The following NDUFA10 variants were observed in gnomAD, a reference collection of about 807,000 sequenced individuals.
NDUFA10 encodes NADH:ubiquinone oxidoreductase subunit A10.
NDUFA10 carries 40 observed loss-of-function variants against 47.8 expected under a neutral mutation model. The observed-to-expected ratio is 0.84, with a 90% CI of 0.65 to 1.09. The LOEUF (loss-of-function observed/expected upper bound fraction) is 1.09. Among genes scored for constraint, NDUFA10 ranks in the 50% least tolerant of loss-of-function variants. NDUFA10 has a pLI of 0.00. For missense variants in NDUFA10, 413 were observed against 451.1 expected, an observed-to-expected ratio of 0.92 and a Z score of 0.76; for synonymous variants, 183 against 172.2, an observed-to-expected ratio of 1.06 and a Z score of -0.49.
intron 9 of NDUFA10, among the ~76,000 whole-genome samples, chr2:239,967,389 G>A (rs1695119574): frequency 6.6e-6 from 1 of 152,220 alleles, no homozygotes; most frequent in South Asian, 2.1e-4. Context: ...CCTGGCCCAT[G>A]CATTTACACA....
At chr2:239,975,944 C>G (rs953769834) in intron 9 of NDUFA10, among the ~76,000 whole-genome samples, 1 of 152,200 alleles carries the variant, frequency 6.6e-6, no homozygotes, top group South Asian at 2.1e-4. Context: ...TCTTAACCAT[C>G]ACTCCACATC....
At position 239,978,188 on chromosome 2, in the gene NDUFA10, C is replaced by T. The variant is rs934781023; in HGVS notation, c.999+11886G>A. Among the ~76,000 whole-genome samples, 7 of 152,284 alleles carry T rather than the reference C, an allele frequency of 4.6e-5. 1 individual carries two copies. Among genetic ancestry groups the T allele is most frequent in the African/African-American group, 1.7e-4 (7 of 41,558 alleles). On this transcript the variant is annotated intron_variant, in intron 9 of 9. Coordinates refer to ENST00000252711, the MANE Select transcript of NDUFA10 (RefSeq NM_004544.4). ...CTCTCTTGCATCTTTTCCCTCTTTC[C>T]ACAAGCACTTACCCTTTTGCCTATA...
intron 5 of NDUFA10, 62 bp from the exon 6 acceptor site, chr2:240,011,758 C>T (rs1409968385): frequency 1.7e-5 from 24 of 1,408,854 alleles, no homozygotes; most frequent in Middle Eastern, 1.8e-4. Context: ...TTGACCTGTG[C>T]GTATATAAAA....
In NDUFA10 at chr2:240,019,675, C is replaced by T. The variant is rs1405151730; in HGVS notation, c.461-1036G>A. ...CTACTAAAAATACAAAAAAATTAGC[C>T]GGGCGTAGTGGCGGGCGCCTGTAGT... On this transcript the variant is annotated intron_variant, in intron 3 of 9. Coordinates refer to ENST00000252711, the MANE Select transcript of NDUFA10 (RefSeq NM_004544.4). Among the ~76,000 whole-genome samples the T allele has an allele frequency of 1.8e-4, 15 of 84,076 alleles. 2 individuals carry two copies. Among genetic ancestry groups the T allele is most frequent in the African/African-American group, 5.6e-4 (12 of 21,580 alleles). 55.2% of individuals were successfully genotyped at this position (84,076 alleles called of 152,430 possible). A position where few individuals can be genotyped will look rare whatever the true frequency, so the allele number is the denominator to read the frequency against.
chr2:240,003,242 GACT>G lies in NDUFA10; in HGVS notation c.890+1965_890+1967del, dbSNP rs144091640. On this transcript the variant is annotated intron_variant, in intron 8 of 9. Transcript: ENST00000252711. ...AGCTGTCCCTCTGGTCATCCTAGGAGACTACTGTATCACTCACATCCCATCAGG... is the reference window on the plus strand; with the variant it reads ...AGCTGTCCCTCTGGTCATCCTAGGAGACTGTATCACTCACATCCCATCAGG... Among the ~76,000 whole-genome samples the G allele has an allele frequency of 8.4e-3, 1,286 of 152,260 alleles. 18 individuals carry two copies. The highest frequency in any genetic ancestry group is 0.03 in the African/African-American group (1,227 of 41,548).
rs1374207420 is a variant in NDUFA10, at chr2:240,005,295, CCTAAGACAG to C, written c.805-9_805-1del. The C allele has an allele frequency of 6.2e-7, 1 of 1,613,096 alleles. No homozygotes were observed. The highest frequency in any genetic ancestry group is 8.5e-7 in the Non-Finnish European group (1 of 1,179,230). On this transcript the variant is annotated splice_acceptor_variant and splice_polypyrimidine_tract_variant and intron_variant, in intron 7 of 9. Transcript: ENST00000252711. LOFTEE classifies it high-confidence loss of function. The stretch of plus-strand genomic sequence containing the variant: ...TTCAGGTATTCAATGTCCTCTACCA[CCTAAGACAG>C]GAAAAATTCCAATTTAAACAGAGAA...
intron 8 of NDUFA10, among the ~76,000 whole-genome samples, chr2:239,995,120 A>G (rs1168961104): frequency 6.6e-6 from 1 of 152,132 alleles, no homozygotes; most frequent in Non-Finnish European, 1.5e-5. Flanking sequence ...CTAAAAATAC[A>G]AAAATTAGCC....
intron 4 of NDUFA10, among the ~76,000 whole-genome samples, chr2:239,929,968 A>G (rs1264512372): frequency 8.8e-6 from 1 of 113,070 alleles, no homozygotes; most frequent in Non-Finnish European, 1.8e-5. Context: ...CTGCTTCTCC[A>G]CCGCCCCTGC....
At chr2:239,989,233 A>C (rs767727919) in intron 9 of NDUFA10, among the ~76,000 whole-genome samples, 4 of 152,258 alleles carry the variant, frequency 2.6e-5, no homozygotes, top group African/African-American at 4.8e-5. Flanking sequence ...AATTTACTTA[A>C]AAGAAAATGC....
Position 239,895,065 on chromosome 2 carries a change from G to A in NDUFA10, c.*14+140C>T, listed in dbSNP as rs907848968. 9 of 226,348 alleles carry A rather than the reference G, an allele frequency of 4.0e-5. 1 individual carries two copies. The highest frequency in any genetic ancestry group is 1.2e-4 in the African/African-American group (5 of 42,682). 14.0% of individuals were successfully genotyped at this position (226,348 alleles called of 1,614,324 possible). A position where few individuals can be genotyped will look rare whatever the true frequency, so the allele number is the denominator to read the frequency against. On this transcript the variant is annotated intron_variant, in intron 5 of 5. Coordinates refer to the NDUFA10 transcript ENST00000419408. ...TCACCCCCACATCTATCTTAGCCGGGCACTGGCTTTCAGTGCCCTGTAGAG... is the reference window on the plus strand; with the variant it reads ...TCACCCCCACATCTATCTTAGCCGGACACTGGCTTTCAGTGCCCTGTAGAG...
intron 8 of NDUFA10, among the ~76,000 whole-genome samples, chr2:240,000,218 A>C (rs574424861): frequency 6.6e-6 from 1 of 152,368 alleles, no homozygotes; most frequent in Admixed American, 6.5e-5. Flanking sequence ...AGCCTCAGGC[A>C]GGTCCTTCAG....
chr2:240,023,374 A>T (rs1172589657), intron 1 of NDUFA10, among the ~76,000 whole-genome samples: 1 of 152,250 alleles, frequency 6.6e-6, no homozygotes, highest in East Asian at 1.9e-4. Flanking sequence ...TTAACAAGGA[A>T]ACATTAGTTT....
intron 3 of NDUFA10, 70 bp downstream of exon 3, chr2:240,021,127 A>T (rs1360858292): frequency 1.4e-6 from 2 of 1,379,440 alleles, no homozygotes; most frequent in Non-Finnish European, 2.0e-6. Flanking sequence ...CTCAGTGGCA[A>T]TTTAACGTGG....
At chr2:240,011,037 T>A (rs1195114804) in intron 6 of NDUFA10, among the ~76,000 whole-genome samples, 1 of 152,146 alleles carries the variant, frequency 6.6e-6, no homozygotes, top group Non-Finnish European at 1.5e-5. Flanking sequence ...AGACATTCCT[T>A]ACACACGAAT....
chr2:239,911,680 C>T (rs12467215), intron 4 of NDUFA10, among the ~76,000 whole-genome samples: 96,781 of 149,478 alleles, frequency 0.65, 31,392 homozygotes, highest in African/African-American at 0.67. Context: ...AGTGTGTGTG[C>T]GTGTGTGTGT....
intron 4 of NDUFA10, among the ~76,000 whole-genome samples, chr2:239,926,019 A>G (rs1400166953): frequency 3.9e-5 from 6 of 152,222 alleles, no homozygotes; most frequent in Admixed American, 3.9e-4. Flanking sequence ...ATGCTGAGAG[A>G]TTGTCCTTCA....
intron 9 of NDUFA10, among the ~76,000 whole-genome samples, chr2:239,984,996 G>C (rs1695939479): frequency 6.6e-6 from 1 of 152,236 alleles, no homozygotes; most frequent in South Asian, 2.1e-4. Flanking sequence ...TCACCAGCTT[G>C]CTTCCTGAGC....
chr2:239,959,965 C>T lies in NDUFA10; in HGVS notation c.*1153G>A. The T allele has an allele frequency of 1.0e-6, 1 of 985,522 alleles. No individual in the cohort carries two copies. The highest frequency in any genetic ancestry group is 1.2e-6 in the Non-Finnish European group (1 of 829,958). 61.0% of individuals were successfully genotyped at this position (985,522 alleles called of 1,614,324 possible). A position where few individuals can be genotyped will look rare whatever the true frequency, so the allele number is the denominator to read the frequency against. Reference sequence around the variant, plus strand: ...GCGGGGAGCAGAGCATCGTCCTCTGCACCAGCACTGGAACTACTGCCCACA... The same window carrying T: ...GCGGGGAGCAGAGCATCGTCCTCTGTACCAGCACTGGAACTACTGCCCACA... On this transcript the variant is annotated 3_prime_UTR_variant, in exon 10 of 10. Coordinates refer to ENST00000252711, the MANE Select transcript of NDUFA10 (RefSeq NM_004544.4).
chr2:239,966,572 C>T (rs934710728), intron 9 of NDUFA10, among the ~76,000 whole-genome samples: 4 of 152,158 alleles, frequency 2.6e-5, no homozygotes, highest in Non-Finnish European at 5.9e-5. Context: ...GTATTGGACA[C>T]GCTCATCAAA....
Sources: gnomAD v4.1 joint callset for allele counts (sites outside exome capture counted in the v4.1 genomes callset) on GRCh38, gnomAD v4.1.1 for gene constraint, MANE v1.5 for transcripts, NCBI Gene and HGNC (gene_info 2026-07-23, HGNC 2026-07-21) for gene names.